Variants in DOCK8 observed in about 807,000 individuals in gnomAD.
DOCK8 encodes dedicator of cytokinesis protein 8.
DOCK8 carries 141 observed loss-of-function variants against 245.6 expected under a neutral mutation model. That is an observed-to-expected ratio of 0.57 (90% CI 0.50 to 0.66). The LOEUF is 0.66. Among genes scored for constraint, DOCK8 ranks in the 30% least tolerant of loss-of-function variants. The pLI is 0.00. For synonymous variants in DOCK8, 1,168 were observed against 970.2 expected, an observed-to-expected ratio of 1.20 and a Z score of -3.79; for missense variants, 2,965 against 2,603.4, an observed-to-expected ratio of 1.14 and a Z score of -3.02.
intron 33 of DOCK8, among the ~76,000 whole-genome samples, chr9:424,802 G>C (rs889537387): frequency 2.6e-5 from 4 of 152,142 alleles, no homozygotes; most frequent in African/African-American, 9.7e-5. Flanking sequence ...ACTTACAAAT[G>C]GTTAAGATGG....
chr9:380,088 T>C (rs2053682051), intron 21 of DOCK8, among the ~76,000 whole-genome samples, 153 bp downstream of exon 21: 1 of 144,948 alleles, frequency 6.9e-6, no homozygotes, highest in Non-Finnish European at 1.5e-5. Flanking sequence ...CAGGATCGCT[T>C]GGAGCAGTGG....
In DOCK8 at chr9:252,402, T is replaced by G. The variant is rs187720037; in HGVS notation, c.54-19225T>G. Among the ~76,000 whole-genome samples, 5 of 152,286 alleles carry G rather than the reference T, an allele frequency of 3.3e-5. 1 individual carries two copies. Among genetic ancestry groups the G allele is most frequent in the Admixed American group, 2.6e-4 (4 of 15,292 alleles). On this transcript the variant is annotated intron_variant, in intron 1 of 47. Coordinates refer to ENST00000432829, the MANE Select transcript of DOCK8 (RefSeq NM_203447.4). Reference sequence around the variant, plus strand: ...CAAGATCACACAATTAGTAGATGATTATGCAAGATTTGAACCAGTTGTTAT... The same window carrying G: ...CAAGATCACACAATTAGTAGATGATGATGCAAGATTTGAACCAGTTGTTAT...
chr9:312,347 T>G, intron 6 of DOCK8, 181 bp downstream of exon 6: 1 of 735,146 alleles, frequency 1.4e-6, no homozygotes, highest in Non-Finnish European at 2.4e-6. Flanking sequence ...CATTATTGAT[T>G]ATCACACAGA....
At chr9:269,122 A>G (rs2048099108) in intron 1 of DOCK8, among the ~76,000 whole-genome samples, 1 of 152,226 alleles carries the variant, frequency 6.6e-6, no homozygotes, top group South Asian at 2.1e-4. Context: ...GTGATTTTTA[A>G]TGTATTCACA....
intron 5 of DOCK8, among the ~76,000 whole-genome samples, 181 bp downstream of exon 5, chr9:304,885 C>G (rs1159682414): frequency 6.6e-6 from 1 of 151,704 alleles, no homozygotes; most frequent in Non-Finnish European, 1.5e-5. Flanking sequence ...AATTGGTGTT[C>G]AAATGAAAAC....
chr9:422,038 T>G lies in DOCK8; in HGVS notation c.4154-10T>G. ...AATCAAATTCCTATCATGCATTTCT[T>G]AACTCCTAGGGAACGACCGATTTCC... On this transcript the variant is annotated splice_polypyrimidine_tract_variant and intron_variant, in intron 32 of 47. Transcript: ENST00000432829. The G allele has an allele frequency of 6.2e-7, 1 of 1,612,532 alleles. No individual in the cohort carries two copies. The highest frequency in any genetic ancestry group is 1.3e-5 in the African/African-American group (1 of 75,050).
Position 303,974 on chromosome 9 carries a change from C to A in DOCK8, c.405-607C>A, listed in dbSNP as rs148492180. Among the ~76,000 whole-genome samples, 20 of 152,286 alleles carry A rather than the reference C, an allele frequency of 1.3e-4. No homozygotes were observed. In the East Asian group the frequency reaches 3.9e-3, roughly 29 times the overall value. ...TTGACAACTTACATGTTTTACCTTT[C>A]TTATGATGGTCTGTCTCATTTCTTC... On this transcript the variant is annotated intron_variant, in intron 4 of 47. Transcript: ENST00000432829.
chr9:461,195 G>A (rs992849170), intron 46 of DOCK8, among the ~76,000 whole-genome samples: 1 of 152,180 alleles, frequency 6.6e-6, no homozygotes, highest in Non-Finnish European at 1.5e-5. Context: ...TGTCTTTAAT[G>A]TTCTTCAGTT....
chr9:334,151 G>C, intron 10 of DOCK8, 74 bp from the exon 11 acceptor site: 2 of 1,552,890 alleles, frequency 1.3e-6, no homozygotes, highest in Non-Finnish European at 1.8e-6. Flanking sequence ...GGAGATGGCT[G>C]TCATATTCAG....
In DOCK8 at chr9:426,891, G is replaced by C. The variant is rs1193203313; in HGVS notation, c.4248G>C (p.Lys1416Asn). 3 of 1,613,970 alleles carry C rather than the reference G, an allele frequency of 1.9e-6. No individual in the cohort carries two copies. The highest frequency in any genetic ancestry group is 2.5e-6 in the Non-Finnish European group (3 of 1,180,036). ...RQANEKLDKT[K>N]AELDQEALIS... is the part of the protein sequence containing the mutation. ...ACCTCTTGTTGTTTCCTAGAACAAA[G>C]GCCGAGTTAGATCAAGAAGCCTTGA... The change falls in exon 34 of 48, where the codon AAG (lysine) becomes AAC (asparagine). Residue 1416 changes from lysine to asparagine, a missense_variant. By Grantham distance (94) the Lys-to-Asn change is moderately conservative. Coordinates refer to ENST00000432829, the MANE Select transcript of DOCK8 (RefSeq NM_203447.4).
chr9:389,417 A>C (rs2054088699), intron 23 of DOCK8, among the ~76,000 whole-genome samples: 1 of 152,158 alleles, frequency 6.6e-6, no homozygotes, highest in Non-Finnish European at 1.5e-5. Flanking sequence ...AGACATTTAG[A>C]TGTTGTAAGT....
At chr9:323,638 C>G (rs2130791687) in intron 7 of DOCK8, among the ~76,000 whole-genome samples, 1 of 152,316 alleles carries the variant, frequency 6.6e-6, no homozygotes, top group East Asian at 1.9e-4. Context: ...AACTGAAACT[C>G]TGTACCCGTT....
intron 26 of DOCK8, among the ~76,000 whole-genome samples, chr9:403,351 A>C (rs2055202956): frequency 6.6e-6 from 1 of 152,172 alleles, no homozygotes; most frequent in Non-Finnish European, 1.5e-5. Flanking sequence ...ACCAAGTTCT[A>C]ATCCCTTCAA....
upstream of DOCK8, chr9:213,467 G>C (rs187744801): frequency 2.7e-3 from 410 of 152,186 alleles, 3 homozygotes; most frequent in African/African-American, 9.5e-3. Flanking sequence ...TTTTTAAAAG[G>C]GGAAAACAAA....
At position 372,178 on chromosome 9, in the gene DOCK8, G is replaced by C; in HGVS notation, c.2008-7G>C. Reference sequence around the variant, plus strand: ...TACCACTTTATTATTTACATCATCTGTTTCAGTGGCTGCCAATTCTCTTAA... The same window carrying C: ...TACCACTTTATTATTTACATCATCTCTTTCAGTGGCTGCCAATTCTCTTAA... On this transcript the variant is annotated splice_region_variant and splice_polypyrimidine_tract_variant and intron_variant, in intron 17 of 47. Coordinates refer to ENST00000432829, the MANE Select transcript of DOCK8 (RefSeq NM_203447.4). The C allele has an allele frequency of 6.2e-7, 1 of 1,611,414 alleles. No homozygotes were observed. Among genetic ancestry groups the C allele is most frequent in the Non-Finnish European group, 8.5e-7 (1 of 1,177,770 alleles).
chr9:400,940 ACCACCATCACCACCACCACCACCACCT>A (rs2055012535), intron 26 of DOCK8, among the ~76,000 whole-genome samples: 1 of 55,706 alleles, frequency 1.8e-5, no homozygotes, highest in Non-Finnish European at 2.8e-5. Flanking sequence ...AACATCCACC[ACCACCATCACCACCACCACCACCACCT>A]CCTCCACCAT....
intron 1 of DOCK8, among the ~76,000 whole-genome samples, chr9:230,642 T>C (rs2047093109): frequency 6.6e-6 from 1 of 152,076 alleles, no homozygotes; most frequent in South Asian, 2.1e-4. Context: ...TGCATTTCTC[T>C]GATGGCCAGT....
rs1041703608 is a variant in DOCK8, at chr9:327,622, C to T, written c.895-400C>T. On this transcript the variant is annotated intron_variant, in intron 8 of 47. Coordinates refer to ENST00000432829, the MANE Select transcript of DOCK8 (RefSeq NM_203447.4). ...ATGTTGCCCAGGCTGGTTTCAAACTCGTGAGCTCAAGCAATGTGCCCGCCT... is the reference window on the plus strand; with the variant it reads ...ATGTTGCCCAGGCTGGTTTCAAACTTGTGAGCTCAAGCAATGTGCCCGCCT... 8.5e-5 allele frequency among the ~76,000 whole-genome samples: 13 copies of T among 152,112 alleles called. No individual in the cohort carries two copies. In the South Asian group the frequency reaches 2.3e-3, roughly 27 times the overall value.
chr9:341,611 C>G (rs2051593360), intron 14 of DOCK8, among the ~76,000 whole-genome samples: 2 of 152,268 alleles, frequency 1.3e-5, no homozygotes, highest in South Asian at 4.1e-4. Context: ...TATTTTTTCT[C>G]CTTTTACACA....
Sources: gnomAD v4.1 joint callset for allele counts (sites outside exome capture counted in the v4.1 genomes callset) on GRCh38, gnomAD v4.1.1 for gene constraint, MANE v1.5 for transcripts, NCBI Gene and HGNC (gene_info 2026-07-23, HGNC 2026-07-21) for gene names.